CFAP69: variants seen among roughly 807,000 people sequenced by gnomAD.
CFAP69 encodes the protein cilia- and flagella-associated protein 69.
Under a neutral mutation model 123.0 loss-of-function variants are expected in CFAP69, and 92 were observed. The ratio of observed to expected loss-of-function variants is 0.75; its 90% CI spans 0.63 to 0.89. CFAP69 has a LOEUF of 0.89. CFAP69 is among the 40% of genes least tolerant of loss of function. The pLI is 0.00. For synonymous variants in CFAP69, 380 were observed against 364.3 expected, an observed-to-expected ratio of 1.04 and a Z score of -0.49; for missense variants, 1,067 against 1,096.9, an observed-to-expected ratio of 0.97 and a Z score of 0.39.
In CFAP69 at chr7:90,258,083, G is replaced by T. The variant is rs765135692; in HGVS notation, c.181-15G>T. 3.8e-6 allele frequency: 6 copies of T among 1,595,462 alleles called. No homozygotes were observed. The highest frequency in any genetic ancestry group is 1.7e-5 in the Admixed American group (1 of 57,938). On this transcript the variant is annotated splice_polypyrimidine_tract_variant and intron_variant, in intron 2 of 22. Transcript: ENST00000389297. ...TTAAAAGCACAAAAGAACTAAAATA[G>T]GTGATCTGTTTTAGGATGGCTTGGA...
In CFAP69 at chr7:90,272,152, G is replaced by T. The variant is rs561848548; in HGVS notation, c.860+194G>T. On this transcript the variant is annotated intron_variant, in intron 8 of 22. Coordinates refer to ENST00000389297, the MANE Select transcript of CFAP69 (RefSeq NM_001039706.3). ...ACAAGCCACACTTTTCTATGTGGAA[G>T]GCTCTTGAAGTAGCTTCTTAACACT... is the stretch of plus-strand genomic sequence containing the variant. The T allele has an allele frequency of 6.6e-6, 3 of 457,850 alleles. No individual in the cohort carries two copies. In the South Asian group the frequency reaches 1.9e-4, roughly 28 times the overall value. The allele number at this position is 457,850 out of a possible 1,614,324, so 28.4% of individuals were successfully genotyped here.
chr7:90,264,104 AATATATATAT>A (rs71104454), intron 4 of CFAP69, among the ~76,000 whole-genome samples: 1,717 of 48,442 alleles, frequency 0.035, 65 homozygotes, highest in South Asian at 0.069. Context: ...AAAAAAAAAA[AATATATATAT>A]ATATATATAT....
intron 1 of CFAP69, among the ~76,000 whole-genome samples, chr7:90,246,499 G>A (rs1361293132): frequency 1.3e-5 from 2 of 152,224 alleles, no homozygotes; most frequent in Non-Finnish European, 1.5e-5. Flanking sequence ...AGTTGACTGG[G>A]GAATAGAGTT....
chr7:90,284,178 TC>T (rs1789909771), intron 13 of CFAP69, among the ~76,000 whole-genome samples: 1 of 152,144 alleles, frequency 6.6e-6, no homozygotes, highest in Admixed American at 6.6e-5. Flanking sequence ...TAGAACCTTT[TC>T]CCTTTAACCG....
chr7:90,287,464 T>G (rs1468995532), intron 14 of CFAP69: 1 of 985,210 alleles, frequency 1.0e-6, no homozygotes, highest in African/African-American at 1.7e-5. Context: ...AAAGCCAAAA[T>G]TTAGAACGAG....
At chr7:90,272,098 T>C in intron 8 of CFAP69, 140 bp downstream of exon 8, 1 of 786,702 alleles carries the variant, frequency 1.3e-6, no homozygotes, top group South Asian at 2.6e-5. Flanking sequence ...ATCTTTTTTG[T>C]TCCATGGTAT....
At chr7:90,312,470 A>G (rs1041236510), downstream of CFAP69, 3 of 152,168 alleles carry the variant, frequency 2.0e-5, no homozygotes, top group Admixed American at 6.5e-5. Flanking sequence ...TCTTCCATGT[A>G]TTTTGCCCAT....
intron 4 of CFAP69, among the ~76,000 whole-genome samples, chr7:90,263,648 G>A (rs1305636898): frequency 6.6e-6 from 1 of 152,062 alleles, no homozygotes; most frequent in East Asian, 1.9e-4. Context: ...CACTAGAAAT[G>A]AACTTCTGTG....
chr7:90,299,805 T>TC, intron 16 of CFAP69, 62 bp from the exon 17 acceptor site: 1 of 1,303,820 alleles, frequency 7.7e-7, no homozygotes, highest in Non-Finnish European at 1.0e-6. Context: ...TCTTTTTTTT[T>TC]TGAAGACAAT....
chr7:90,251,722 G>A (rs1418670963), intron 1 of CFAP69, among the ~76,000 whole-genome samples: 1 of 152,172 alleles, frequency 6.6e-6, no homozygotes. Context: ...TCTAGGGAAG[G>A]TAGAGGGAGA....
rs189962652 is a variant in CFAP69 at position 90,287,777 on chromosome 7, G to T, written c.1657-457G>T. 2.8e-4 allele frequency: 271 copies of T among 979,086 alleles called. 1 individual carries two copies. In the African/African-American group the frequency reaches 4.5e-3, roughly 16 times the overall value. 60.6% of individuals were successfully genotyped at this position (979,086 alleles called of 1,614,324 possible). ...AATTAGTAAGAGAAAAATATTAAGTGGTTAAAACTTCACAAAAATTATTAA... is the reference window on the plus strand; with the variant it reads ...AATTAGTAAGAGAAAAATATTAAGTTGTTAAAACTTCACAAAAATTATTAA... On this transcript the variant is annotated intron_variant, in intron 14 of 22. Transcript: ENST00000389297.
intron 2 of CFAP69, among the ~76,000 whole-genome samples, chr7:90,257,557 A>G (rs1278249726): frequency 6.6e-6 from 1 of 152,148 alleles, no homozygotes; most frequent in Non-Finnish European, 1.5e-5. Context: ...ATCTTTTGTA[A>G]TTATCATTCT....
intron 11 of CFAP69, among the ~76,000 whole-genome samples, 158 bp from the exon 12 acceptor site, chr7:90,279,519 G>GTT (rs1554364557): frequency 6.8e-6 from 1 of 147,266 alleles, no homozygotes; most frequent in African/African-American, 2.6e-5. Context: ...AATTTTTGGT[G>GTT]TTTTTTTTTT....
At chr7:90,260,864 T>G (rs141934575) in intron 3 of CFAP69, among the ~76,000 whole-genome samples, 1 of 152,268 alleles carries the variant, frequency 6.6e-6, no homozygotes, top group African/African-American at 2.4e-5. Flanking sequence ...GCTATAGAAG[T>G]TGTAAAACTT....
chr7:90,318,424 A>G, the CFAP69 span: 4 of 152,304 alleles, frequency 2.6e-5, no homozygotes, highest in African/African-American at 9.6e-5. Flanking sequence ...CTTAATGCAT[A>G]GAAAAATACT....
At chr7:90,264,057 C>T (rs960894504) in intron 4 of CFAP69, among the ~76,000 whole-genome samples, 1 of 135,990 alleles carries the variant, frequency 7.4e-6, no homozygotes, top group African/African-American at 2.7e-5. Flanking sequence ...TGCCACTGCA[C>T]TCCAGCCTGG....
intron 15 of CFAP69, among the ~76,000 whole-genome samples, chr7:90,291,467 C>T (rs924847991): frequency 7.9e-5 from 12 of 152,108 alleles, no homozygotes; most frequent in Non-Finnish European, 1.3e-4. Context: ...GTATCTTTTG[C>T]GACCTCCTAT....
chr7:90,245,756 C>G (rs907966578), intron 1 of CFAP69, among the ~76,000 whole-genome samples: 3 of 152,190 alleles, frequency 2.0e-5, no homozygotes, highest in African/African-American at 4.8e-5. Flanking sequence ...TGTCAACCAT[C>G]CTGTCTGGGG....
chr7:90,284,062 C>T (rs1789890062), intron 13 of CFAP69, among the ~76,000 whole-genome samples: 1 of 152,132 alleles, frequency 6.6e-6, no homozygotes, highest in African/African-American at 2.4e-5. Flanking sequence ...AGAGGAAATC[C>T]AGGAAACGTA....
Sources: gnomAD v4.1 joint callset for allele counts (sites outside exome capture counted in the v4.1 genomes callset) on GRCh38, gnomAD v4.1.1 for gene constraint, MANE v1.5 for transcripts, NCBI Gene and HGNC (gene_info 2026-07-23, HGNC 2026-07-21) for gene names.